SIDT1: variants seen among roughly 807,000 people sequenced by gnomAD.
SIDT1 encodes SID1 transmembrane family, member 1.
SIDT1 carries 101 observed loss-of-function variants against 107.5 expected under a neutral mutation model. The observed-to-expected ratio is 0.94, with a 90% CI of 0.80 to 1.11. The LOEUF (loss-of-function observed/expected upper bound fraction) is 1.11, where lower values mean the gene tolerates loss of function less well. SIDT1 is among the 50% of genes least tolerant of loss of function. The pLI, the probability that SIDT1 is intolerant of heterozygous loss-of-function variation, is 0.00. For synonymous variants in SIDT1, 395 were observed against 398.2 expected (o/e 0.99, Z 0.10); for missense variants, 1,076 against 1,058.2 (o/e 1.02, Z -0.23).
intron 21 of SIDT1, among the ~76,000 whole-genome samples, chr3:113,622,712 G>T (rs745942365): frequency 1.1e-4 from 17 of 152,140 alleles, no homozygotes; most frequent in Non-Finnish European, 2.1e-4. Flanking sequence ...AAAAACATAA[G>T]CTCAATGTCT....
chr3:113,581,254 C>T lies in SIDT1; in HGVS notation c.664-107C>T, dbSNP rs1002305562. ...TGCCTAGTTTCTGGTTAATAAGGAT[C>T]CCCTGCTCTGTGATCCAAGCAGAAA... On this transcript the variant is annotated intron_variant, in intron 5 of 24. Transcript: ENST00000264852. 1.0e-5 allele frequency: 9 copies of T among 876,542 alleles called. No individual in the cohort carries two copies. The African/African-American group carries it at 1.5e-4, about 14-fold the overall frequency. The allele number at this position is 876,542 out of a possible 1,614,324, so 54.3% of individuals were successfully genotyped here.
intron 19 of SIDT1, among the ~76,000 whole-genome samples, chr3:113,614,401 T>G (rs1945961672): frequency 6.6e-6 from 1 of 152,156 alleles, no homozygotes. Flanking sequence ...TAACTGAATA[T>G]TTTCCATTTC....
At chr3:113,601,376 G>T in intron 10 of SIDT1, 3 of 415,858 alleles carry the variant, frequency 7.2e-6, no homozygotes. Flanking sequence ...TCATTTAAAG[G>T]TTTGAAAACT....
chr3:113,550,613 T>C (rs949498605), intron 1 of SIDT1, among the ~76,000 whole-genome samples: 3 of 152,240 alleles, frequency 2.0e-5, no homozygotes, highest in African/African-American at 4.8e-5. Flanking sequence ...TGAGACTTTT[T>C]TTCTGGGTTT....
rs114638694 is a variant in SIDT1, at chr3:113,557,665, G to T, written c.223-8755G>T. 7.7e-3 allele frequency among the ~76,000 whole-genome samples: 1,166 copies of T among 152,318 alleles called. 14 individuals carry two copies. The highest frequency in any genetic ancestry group is 0.026 in the African/African-American group (1,091 of 41,574). The stretch of plus-strand genomic sequence containing the variant: ...AAGGAAGTTTTCTATCCAGAGGAAG[G>T]TCTCAGAGGGAGCATGGCCCAGCTA... On this transcript the variant is annotated intron_variant, in intron 1 of 24. Transcript: ENST00000264852.
chr3:113,548,633 A>T (rs563846410), intron 1 of SIDT1, among the ~76,000 whole-genome samples: 1 of 152,070 alleles, frequency 6.6e-6, no homozygotes, highest in African/African-American at 2.4e-5. Context: ...CATTTGAAAG[A>T]TACTCTCTAT....
At chr3:113,609,058 C>CTTTTTTTTTT (rs11453487) in intron 17 of SIDT1, among the ~76,000 whole-genome samples, 6 of 86,680 alleles carry the variant, frequency 6.9e-5, no homozygotes, top group African/African-American at 1.7e-4. Context: ...TGAGCCCATT[C>CTTTTTTTTTT]TTTTTTTTTT....
chr3:113,564,137 T>C (rs114634797), intron 1 of SIDT1, among the ~76,000 whole-genome samples: 1,812 of 152,196 alleles, frequency 0.012, 32 homozygotes, highest in African/African-American at 0.041. Context: ...TAATAAAGAC[T>C]GGGTATCTCC....
At position 113,568,170 on chromosome 3, in the gene SIDT1, T is replaced by C. The variant is rs140128257; in HGVS notation, c.515+460T>C. Among the ~76,000 whole-genome samples the C allele has an allele frequency of 4.7e-3, 641 of 135,912 alleles. 3 individuals are homozygous for C. The highest frequency in any genetic ancestry group is 0.017 in the African/African-American group (596 of 35,422). 89.2% of individuals were successfully genotyped at this position (135,912 alleles called of 152,430 possible). On this transcript the variant is annotated intron_variant, in intron 3 of 24. Coordinates refer to ENST00000264852, the MANE Select transcript of SIDT1 (RefSeq NM_017699.3). Reference sequence around the variant, plus strand: ...TTGTCCTTTCTTGGTGTGACTAGTATTATTTTCCCCCTGTTTTTAAAAAAC... The same window carrying C: ...TTGTCCTTTCTTGGTGTGACTAGTACTATTTTCCCCCTGTTTTTAAAAAAC...
intron 23 of SIDT1, among the ~76,000 whole-genome samples, chr3:113,623,992 C>T (rs1395438906): frequency 6.6e-6 from 1 of 152,204 alleles, no homozygotes; most frequent in Non-Finnish European, 1.5e-5. Flanking sequence ...GACGCTGGTC[C>T]CAGTGGATGC....
intron 9 of SIDT1, among the ~76,000 whole-genome samples, chr3:113,591,681 C>T (rs181497582): frequency 2.6e-4 from 39 of 152,268 alleles, no homozygotes; most frequent in African/African-American, 8.9e-4. Context: ...GGCGACAGAG[C>T]GAGACTCTGG....
rs6785828 is a variant in SIDT1 at position 113,541,129 on chromosome 3, T to C, written c.222+7886T>C. ...TAGTTCTAATATATATATATATATA[T>C]ATATACACACACATACACACACACA... On this transcript the variant is annotated intron_variant, in intron 1 of 24. Coordinates refer to ENST00000264852, the MANE Select transcript of SIDT1 (RefSeq NM_017699.3). Among the ~76,000 whole-genome samples, 810 of 133,516 alleles carry C rather than the reference T, an allele frequency of 6.1e-3. 10 individuals carry two copies. The highest frequency in any genetic ancestry group is 0.025 in the African/African-American group (764 of 30,346). 87.6% of individuals were successfully genotyped at this position (133,516 alleles called of 152,430 possible). A position where few individuals can be genotyped will look rare whatever the true frequency, so the allele number is the denominator to read the frequency against.
At chr3:113,611,822 G>GC (rs1016825755) in intron 18 of SIDT1, among the ~76,000 whole-genome samples, 80 of 152,072 alleles carry the variant, frequency 5.3e-4, no homozygotes, top group African/African-American at 1.9e-3. Context: ...AAGTTCATTC[G>GC]CCCCCACTTT....
the SIDT1 span, among the ~76,000 whole-genome samples, chr3:113,635,354 A>G: frequency 6.6e-6 from 1 of 152,126 alleles, no homozygotes; most frequent in Admixed American, 6.5e-5. Flanking sequence ...ATTAGAGGTT[A>G]AAAAACATTC....
chr3:113,542,054 G>T (rs1938963780), intron 1 of SIDT1, among the ~76,000 whole-genome samples: 1 of 151,420 alleles, frequency 6.6e-6, no homozygotes, highest in African/African-American at 2.4e-5. Flanking sequence ...CTCCCCAGTA[G>T]CTGGGATTAC....
Position 113,616,165 on chromosome 3 carries a change from C to T in SIDT1, c.2032C>T (p.Pro678Ser). The T allele has an allele frequency of 6.2e-7, 1 of 1,612,740 alleles. No individual in the cohort carries two copies. The highest frequency in any genetic ancestry group is 8.5e-7 in the Non-Finnish European group (1 of 1,178,782). Residue 678 changes from proline to serine, a missense_variant, in exon 20 of 25, where the codon CCT becomes TCT. Coordinates refer to ENST00000264852, the MANE Select transcript of SIDT1 (RefSeq NM_017699.3). ...AGACTGTATCCAGCAGTGTAGCCGA[C>T]CTCTATATATGGTATGTGCATGTTC... Reference protein sequence around the residue: ...YTDCIQQCSRPLYMDRMVLLV... With the variant: ...YTDCIQQCSRSLYMDRMVLLV...
chr3:113,633,908 A>C (rs1359402383), downstream of SIDT1, among the ~76,000 whole-genome samples: 1 of 152,202 alleles, frequency 6.6e-6, no homozygotes, highest in Non-Finnish European at 1.5e-5. Context: ...CTACAGGCAG[A>C]ATTTTAAAAT....
chr3:113,576,821 C>A, intron 3 of SIDT1, 101 bp from the exon 4 acceptor site: 1 of 1,252,500 alleles, frequency 8.0e-7, no homozygotes, highest in Non-Finnish European at 1.2e-6. Context: ...CTCCTTGAGT[C>A]TACTTTAAGA....
intron 4 of SIDT1, among the ~76,000 whole-genome samples, chr3:113,579,723 A>G (rs534611184): frequency 6.0e-4 from 92 of 152,336 alleles, no homozygotes; most frequent in South Asian, 4.8e-3. Context: ...CTCTCTGTAC[A>G]TGATAGATTT....
Sources: allele counts gnomAD v4.1 joint callset (sites outside exome capture counted in the v4.1 genomes callset), GRCh38; gene constraint gnomAD v4.1.1; transcripts MANE v1.5; gene names NCBI Gene and HGNC (gene_info 2026-07-23, HGNC 2026-07-21).